YTHDF2: variants seen among roughly 807,000 people sequenced by gnomAD.
YTHDF2 encodes the protein YTH domain-containing family protein 2.
In YTHDF2, 2 loss-of-function variants were observed where a neutral mutation model predicts 50.4. That is an observed-to-expected ratio of 0.04 (90% CI 0.02 to 0.12). YTHDF2 has a LOEUF of 0.12. Ranked by LOEUF, YTHDF2 falls within the 10% of genes least tolerant of loss-of-function variation. YTHDF2 has a pLI of 1.00. For missense variants in YTHDF2, 483 were observed against 722.6 expected (o/e 0.67, Z 3.80); for synonymous variants, 217 against 255.6 (o/e 0.85, Z 1.44).
At chr1:28,755,860 A>C (rs1264276659) in intron 4 of YTHDF2, among the ~76,000 whole-genome samples, 1 of 152,190 alleles carries the variant, frequency 6.6e-6, no homozygotes, top group African/African-American at 2.4e-5. Context: ...TGTATCTACA[A>C]ATATTCAAAA....
intron 4 of YTHDF2, among the ~76,000 whole-genome samples, chr1:28,766,353 G>A (rs902652995): frequency 1.6e-4 from 24 of 152,300 alleles, no homozygotes; most frequent in African/African-American, 5.3e-4. Flanking sequence ...CTGTGCTCAA[G>A]CTATCTGCCA....
rs1349683230 is a variant in YTHDF2 at position 28,736,954 on chromosome 1, T to TCGGAGCCGGAGC, written c.-165_-154dup. On this transcript the variant is annotated 5_prime_UTR_variant, in exon 1 of 5. Coordinates refer to ENST00000373812, the MANE Select transcript of YTHDF2 (RefSeq NM_016258.3). ...GCTCTTGGGCTAGAGCGTCGCCGAG[T>TCGGAGCCGGAGC]CGGAGCCGGAGCCTGAGCCGCGCGC... 1.0e-4 allele frequency: 78 copies of TCGGAGCCGGAGC among 775,396 alleles called. No individual in the cohort carries two copies. In the Middle Eastern group the frequency reaches 1.5e-3, roughly 15 times the overall value. 48.0% of individuals were successfully genotyped at this position (775,396 alleles called of 1,614,324 possible).
At chr1:28,753,876 T>TC (rs1557546650) in intron 4 of YTHDF2, among the ~76,000 whole-genome samples, 1 of 151,836 alleles carries the variant, frequency 6.6e-6, no homozygotes, top group Non-Finnish European at 1.5e-5. Flanking sequence ...CCAGCTAATT[T>TC]TTGTATTTTT....
At chr1:28,741,791 C>A (rs2087780918) in intron 3 of YTHDF2, among the ~76,000 whole-genome samples, 1 of 152,106 alleles carries the variant, frequency 6.6e-6, no homozygotes, top group Non-Finnish European at 1.5e-5. Flanking sequence ...ATTTCCATTT[C>A]TTTTTGTTAT....
chr1:28,740,705 T>C (rs1476007368), intron 3 of YTHDF2, among the ~76,000 whole-genome samples: 1 of 152,054 alleles, frequency 6.6e-6, no homozygotes, highest in Non-Finnish European at 1.5e-5. Flanking sequence ...TTATGTATTA[T>C]TTATTTATTT....
At chr1:28,741,693 G>GTTT (rs1451425324) in intron 3 of YTHDF2, among the ~76,000 whole-genome samples, 3 of 152,196 alleles carry the variant, frequency 2.0e-5, no homozygotes, top group Non-Finnish European at 4.4e-5. Flanking sequence ...AGTTTGCCAA[G>GTTT]AGGCTAGCAC....
chr1:28,746,857 G>A (rs1206908887), intron 4 of YTHDF2, among the ~76,000 whole-genome samples: 5 of 151,496 alleles, frequency 3.3e-5, no homozygotes, highest in Admixed American at 6.6e-5. Context: ...CGAGGTGGGC[G>A]GATCACCTGA....
Position 28,743,212 on chromosome 1 carries a change from C to A in YTHDF2, c.942C>A (p.Ser314Arg). The A allele has an allele frequency of 6.2e-7, 1 of 1,614,132 alleles. No homozygotes were observed. The highest frequency in any genetic ancestry group is 8.5e-7 in the Non-Finnish European group (1 of 1,180,044). Reference protein sequence around the residue: ...PQPVGQQANNSPPVAQASVGQ... With the variant: ...PQPVGQQANNRPPVAQASVGQ... ...CTGTAGGTCAGCAGGCTAACAATAGCCCACCAGTGGCTCAGGCATCAGTAG... is the reference window on the plus strand; with the variant it reads ...CTGTAGGTCAGCAGGCTAACAATAGACCACCAGTGGCTCAGGCATCAGTAG... The change falls in exon 4 of 5, where the codon AGC (serine) becomes AGA (arginine). Residue 314 changes from serine (S) to arginine (R), a missense_variant. By Grantham distance (110) the Ser-to-Arg change is moderately radical. Coordinates refer to ENST00000373812, the MANE Select transcript of YTHDF2 (RefSeq NM_016258.3). The surrounding 1 kb of genome is among the most constrained non-coding windows in gnomAD (Gnocchi z 6.9).
chr1:28,738,192 A>G (rs1053643189), intron 2 of YTHDF2, 67 bp from the exon 3 acceptor site: 14 of 1,295,914 alleles, frequency 1.1e-5, no homozygotes, highest in Admixed American at 1.8e-5. Context: ...TGGTTAGCAT[A>G]TATGAACTAA....
intron 4 of YTHDF2, among the ~76,000 whole-genome samples, chr1:28,766,506 C>T (rs944293776): frequency 6.6e-6 from 1 of 152,092 alleles, no homozygotes; most frequent in African/African-American, 2.4e-5. Context: ...CTGGGAGGTA[C>T]AAGATGTCTG....
At chr1:28,766,588 AT>A (rs373255779) in intron 4 of YTHDF2, among the ~76,000 whole-genome samples, 3 of 150,080 alleles carry the variant, frequency 2.0e-5, no homozygotes, top group Admixed American at 2.0e-4. Flanking sequence ...TCTCCACTTA[AT>A]TTTTTTTTTA....
chr1:28,745,111 A>T (rs1254922945), intron 4 of YTHDF2, among the ~76,000 whole-genome samples: 1 of 152,216 alleles, frequency 6.6e-6, no homozygotes, highest in Non-Finnish European at 1.5e-5. Context: ...TGTTTTCCTT[A>T]AATTTGTTAT....
intron 3 of YTHDF2, 49 bp from the exon 4 acceptor site, chr1:28,742,354 C>T (rs2087789975): frequency 1.3e-6 from 2 of 1,520,738 alleles, no homozygotes; most frequent in East Asian, 2.3e-5. Flanking sequence ...AGGAAATAGC[C>T]TGATGTTAAT....
intron 4 of YTHDF2, among the ~76,000 whole-genome samples, chr1:28,745,407 C>G (rs2087842112): frequency 6.6e-6 from 1 of 152,192 alleles, no homozygotes; most frequent in African/African-American, 2.4e-5. Context: ...TTAAACTCCT[C>G]TCTTCCCCAC....
chr1:28,750,739 C>T (rs2087938379), intron 4 of YTHDF2, among the ~76,000 whole-genome samples: 1 of 152,028 alleles, frequency 6.6e-6, no homozygotes. Flanking sequence ...TTTTTAAATA[C>T]ATTTACTATA....
In YTHDF2 at chr1:28,743,768, A is replaced by G. The variant is rs549546489; in HGVS notation, c.1498A>G (p.Ile500Val). 23 of 1,613,246 alleles carry G rather than the reference A, an allele frequency of 1.4e-5. No individual in the cohort carries two copies. The highest frequency in any genetic ancestry group is 1.9e-5 in the Non-Finnish European group (22 of 1,179,564). The change falls in exon 4 of 5, where the codon ATT becomes GTT. Residue 500 changes from isoleucine to valine, a missense_variant. By Grantham distance (29) the Ile-to-Val change is conservative. Coordinates refer to ENST00000373812, the MANE Select transcript of YTHDF2 (RefSeq NM_016258.3). The surrounding 1 kb of genome is among the most constrained non-coding windows in gnomAD (Gnocchi z 6.9). ...KWKGRFDVRW[I>V]FVKDVPNSQL... ...GAAGGGTCGTTTTGATGTCAGGTGG[A>G]TTTTTGTGAAGGACGTTCCCAATAG... is the stretch of plus-strand genomic sequence containing the variant.
Position 28,737,063 on chromosome 1 carries a change from G to A in YTHDF2, c.-58G>A. 1 of 1,556,530 alleles carries A rather than the reference G, an allele frequency of 6.4e-7. No homozygotes were observed. The highest frequency in any genetic ancestry group is 8.7e-7 in the Non-Finnish European group (1 of 1,152,298). ...CTCCCGCAGACGGGGCTCATCTGCC[G>A]CCGCCGCCGCGCTGAGGAGAGTTCG... On this transcript the variant is annotated 5_prime_UTR_variant, in exon 1 of 5. Transcript: ENST00000373812.
intron 3 of YTHDF2, among the ~76,000 whole-genome samples, chr1:28,741,961 T>A (rs546562357): frequency 6.6e-6 from 1 of 152,304 alleles, no homozygotes; most frequent in African/African-American, 2.4e-5. Context: ...CTTTAAATGT[T>A]TAAACATTTC....
At chr1:28,764,247 G>T (rs2088183233) in intron 4 of YTHDF2, among the ~76,000 whole-genome samples, 1 of 151,068 alleles carries the variant, frequency 6.6e-6, no homozygotes, top group African/African-American at 2.4e-5. Context: ...CACTGTGCCC[G>T]GCCCAATTTT....
Sources: allele counts gnomAD v4.1 joint callset (sites outside exome capture counted in the v4.1 genomes callset), GRCh38; gene constraint gnomAD v4.1.1; non-coding constraint Gnocchi (gnomAD v3.1); transcripts MANE v1.5; gene names NCBI Gene and HGNC (gene_info 2026-07-23, HGNC 2026-07-21).